The following CDYL variants were observed in gnomAD, a reference collection of about 807,000 sequenced individuals.
CDYL encodes chromodomain Y like.
In CDYL, 8 loss-of-function variants were observed where a neutral mutation model predicts 47.3. The observed-to-expected ratio is 0.17, with a 90% CI of 0.10 to 0.31. The LOEUF (loss-of-function observed/expected upper bound fraction) is 0.31. Ranked by LOEUF, CDYL falls within the 10% of genes least tolerant of loss-of-function variation. The probability of loss-of-function intolerance (pLI) is 1.00; values close to 1 mark genes in which losing one functional copy is unlikely to be tolerated. For missense variants in CDYL, 471 were observed against 701.4 expected (o/e 0.67, Z 3.71); for synonymous variants, 266 against 265.0 (o/e 1.00, Z -0.04).
intron 1 of CDYL, among the ~76,000 whole-genome samples, chr6:4,872,251 A>AC (rs1761496832): frequency 1.3e-5 from 2 of 150,402 alleles, no homozygotes; most frequent in African/African-American, 4.9e-5. Context: ...TGACCTTTAC[A>AC]CCAAGAGCTT....
chr6:4,779,993 C>T (rs1315830792), intron 1 of CDYL, among the ~76,000 whole-genome samples: 1 of 152,010 alleles, frequency 6.6e-6, no homozygotes, highest in Non-Finnish European at 1.5e-5. Context: ...AAAAATGATT[C>T]CTAACTTGTA....
chr6:4,893,173 T>TC (rs1037633200), intron 2 of CDYL, among the ~76,000 whole-genome samples: 15 of 152,348 alleles, frequency 9.8e-5, no homozygotes, highest in African/African-American at 3.4e-4. Flanking sequence ...ACAGCTCCCA[T>TC]CCCTTTTCAG....
chr6:4,739,026 T>A (rs914058370), intron 3 of CDYL, among the ~76,000 whole-genome samples: 1 of 152,024 alleles, frequency 6.6e-6, no homozygotes, highest in Non-Finnish European at 1.5e-5. Flanking sequence ...CCGGGCGTGG[T>A]GGCACATGCC....
chr6:4,839,115 T>A (rs542180313), intron 1 of CDYL, among the ~76,000 whole-genome samples: 1 of 152,236 alleles, frequency 6.6e-6, no homozygotes, highest in Non-Finnish European at 1.5e-5. Flanking sequence ...ATTATGACCA[T>A]CTTGCAGGAG....
chr6:4,940,972 C>T (rs1232532536), intron 4 of CDYL, among the ~76,000 whole-genome samples: 1 of 152,232 alleles, frequency 6.6e-6, no homozygotes, highest in East Asian at 1.9e-4. Flanking sequence ...CCCAAACGTT[C>T]CTTTGACAGT....
At chr6:4,772,066 A>T (rs771735786), upstream of CDYL, among the ~76,000 whole-genome samples, 9 of 152,266 alleles carry the variant, frequency 5.9e-5, no homozygotes, top group Non-Finnish European at 1.2e-4. Context: ...GAACACCATT[A>T]GCTAAATAGA....
intron 1 of CDYL, among the ~76,000 whole-genome samples, chr6:4,837,685 G>A (rs746085328): frequency 9.2e-5 from 14 of 151,818 alleles, no homozygotes; most frequent in East Asian, 3.9e-4. Flanking sequence ...GGCTGCTCTC[G>A]AACTCCTGAC....
At chr6:4,794,504 C>T (rs1268937200) in intron 1 of CDYL, among the ~76,000 whole-genome samples, 1 of 151,988 alleles carries the variant, frequency 6.6e-6, no homozygotes, top group Non-Finnish European at 1.5e-5. Context: ...ACTGGGAGTG[C>T]CGGGCAGGCT....
chr6:4,894,997 G>A (rs1036893528), intron 2 of CDYL, among the ~76,000 whole-genome samples: 7 of 150,442 alleles, frequency 4.7e-5, no homozygotes, highest in Admixed American at 2.0e-4. Flanking sequence ...GTGTATACTT[G>A]TGTGTATGTT....
At chr6:4,730,282 G>T (rs1490711831) in intron 2 of CDYL, among the ~76,000 whole-genome samples, 2 of 152,186 alleles carry the variant, frequency 1.3e-5, no homozygotes, top group African/African-American at 2.4e-5. Flanking sequence ...AACGGTTCCA[G>T]TACTGGCACC....
intron 1 of CDYL, among the ~76,000 whole-genome samples, chr6:4,789,040 A>G (rs1241025260): frequency 6.6e-6 from 1 of 152,056 alleles, no homozygotes; most frequent in Non-Finnish European, 1.5e-5. Flanking sequence ...TAGCCAAGCC[A>G]TACTGCTTCA....
At chr6:4,821,491 T>C (rs930123354) in intron 1 of CDYL, among the ~76,000 whole-genome samples, 12 of 151,906 alleles carry the variant, frequency 7.9e-5, no homozygotes, top group African/African-American at 2.9e-4. Context: ...CCCGGCACTT[T>C]GGGGGGCCGA....
intron 3 of CDYL, among the ~76,000 whole-genome samples, chr6:4,769,965 T>TTGTGTGTGTGTG (rs58041362): frequency 4.8e-4 from 66 of 137,906 alleles, no homozygotes; most frequent in African/African-American, 1.1e-3. Context: ...CCCGGCTAAT[T>TTGTGTGTGTGTG]TGTGTGTGTG....
intron 1 of CDYL, among the ~76,000 whole-genome samples, chr6:4,849,823 C>G (rs1204034470): frequency 6.6e-6 from 1 of 151,740 alleles, no homozygotes; most frequent in Non-Finnish European, 1.5e-5. Flanking sequence ...CTTCATGAAG[C>G]TCACATGTAG....
intron 1 of CDYL, among the ~76,000 whole-genome samples, chr6:4,884,141 C>T (rs1761838871): frequency 1.3e-5 from 2 of 152,206 alleles, no homozygotes; most frequent in Admixed American, 6.5e-5. Flanking sequence ...TAGATTTCCT[C>T]CTTTGGGCCA....
chr6:4,910,376 A>G (rs1757374864), intron 2 of CDYL, among the ~76,000 whole-genome samples: 1 of 152,230 alleles, frequency 6.6e-6, no homozygotes, highest in Admixed American at 6.5e-5. Context: ...GAAGAGGCAC[A>G]CATAAATGAA....
At chr6:4,913,080 G>A (rs1757458371) in intron 2 of CDYL, among the ~76,000 whole-genome samples, 2 of 152,198 alleles carry the variant, frequency 1.3e-5, no homozygotes, top group Admixed American at 6.5e-5. Context: ...GTTAATGCTG[G>A]TGGCTTGCAG....
At chr6:4,842,844 T>A (rs1760541822) in intron 1 of CDYL, among the ~76,000 whole-genome samples, 1 of 152,174 alleles carries the variant, frequency 6.6e-6, no homozygotes, top group Admixed American at 6.5e-5. Context: ...TTTTTTTCCA[T>A]TATGTTATTG....
intron 1 of CDYL, among the ~76,000 whole-genome samples, chr6:4,883,265 T>A (rs1761812167): frequency 6.6e-6 from 1 of 152,122 alleles, no homozygotes; most frequent in Admixed American, 6.5e-5. Flanking sequence ...ACATTAATGA[T>A]CCTTGTCATT....
Sources: allele counts gnomAD v4.1 joint callset (sites outside exome capture counted in the v4.1 genomes callset), GRCh38; gene constraint gnomAD v4.1.1; transcripts MANE v1.5; gene names NCBI Gene and HGNC (gene_info 2026-07-23, HGNC 2026-07-21).